Variants in ATXN1 observed in about 807,000 individuals in gnomAD.
ATXN1 encodes the protein ataxin-1.
Under a neutral mutation model 56.4 loss-of-function variants are expected in ATXN1, and 8 were observed. The observed-to-expected ratio is 0.14, with a 90% CI of 0.08 to 0.26. The LOEUF (loss-of-function observed/expected upper bound fraction) is 0.26, where lower values mean the gene tolerates loss of function less well. ATXN1 is among the 10% of genes least tolerant of loss of function. The probability of loss-of-function intolerance (pLI) is 1.00; values close to 1 mark genes in which losing one functional copy is unlikely to be tolerated. For synonymous variants in ATXN1, 514 were observed against 494.6 expected (o/e 1.04, Z -0.52); for missense variants, 987 against 1,106.5 (o/e 0.89, Z 1.53).
intron 4 of ATXN1, among the ~76,000 whole-genome samples, chr6:16,536,703 T>C (rs1053904953): frequency 6.6e-6 from 1 of 152,222 alleles, no homozygotes; most frequent in African/African-American, 2.4e-5. Context: ...GCCAATGTGC[T>C]ATTGCAATGT....
chr6:16,457,449 G>C (rs534530120), intron 6 of ATXN1, among the ~76,000 whole-genome samples: 1 of 151,426 alleles, frequency 6.6e-6, no homozygotes, highest in South Asian at 2.1e-4. Context: ...GCATCAACAA[G>C]CTCACCCTTG....
intron 5 of ATXN1, among the ~76,000 whole-genome samples, chr6:16,517,249 A>C (rs1761199917): frequency 6.6e-6 from 1 of 152,180 alleles, no homozygotes. Flanking sequence ...TAAAATTCTC[A>C]TTCAGTCATT....
At chr6:16,333,428 G>T (rs1356316061) in intron 6 of ATXN1, among the ~76,000 whole-genome samples, 2 of 152,134 alleles carry the variant, frequency 1.3e-5, no homozygotes, top group East Asian at 3.8e-4. Context: ...AGGGATGTGG[G>T]GAATATATGC....
chr6:16,377,352 C>T (rs1231843345), intron 6 of ATXN1, among the ~76,000 whole-genome samples: 2 of 152,172 alleles, frequency 1.3e-5, no homozygotes, highest in Admixed American at 1.3e-4. Flanking sequence ...ATGTGGCACA[C>T]TCTTGTTCTC....
At chr6:16,598,441 G>A (rs1391000701) in intron 3 of ATXN1, among the ~76,000 whole-genome samples, 1 of 152,198 alleles carries the variant, frequency 6.6e-6, no homozygotes, top group African/African-American at 2.4e-5. Context: ...TCAAAGCCGA[G>A]TATTGATCCT....
At chr6:16,644,943 A>G (rs778629253) in intron 3 of ATXN1, among the ~76,000 whole-genome samples, 1 of 152,224 alleles carries the variant, frequency 6.6e-6, no homozygotes, top group Non-Finnish European at 1.5e-5. Flanking sequence ...TTTGTAGAGC[A>G]GATAACCACT....
chr6:16,336,558 G>A (rs1160264247), intron 6 of ATXN1, among the ~76,000 whole-genome samples: 1 of 152,208 alleles, frequency 6.6e-6, no homozygotes, highest in Non-Finnish European at 1.5e-5. Flanking sequence ...GGAGTGGTGA[G>A]ACTGCAGAAG....
At chr6:16,726,471 A>T (rs1242431041) in intron 2 of ATXN1, among the ~76,000 whole-genome samples, 2 of 152,182 alleles carry the variant, frequency 1.3e-5, no homozygotes, top group African/African-American at 4.8e-5. Flanking sequence ...TCACTGCTAA[A>T]CTAAAACACT....
intron 3 of ATXN1, among the ~76,000 whole-genome samples, chr6:16,606,231 A>C (rs1763002679): frequency 6.6e-6 from 1 of 152,250 alleles, no homozygotes; most frequent in Admixed American, 6.5e-5. Flanking sequence ...CACCTAGCAC[A>C]GGACATAGGC....
chr6:16,600,924 G>A (rs1415686599), intron 3 of ATXN1, among the ~76,000 whole-genome samples: 1 of 152,190 alleles, frequency 6.6e-6, no homozygotes, highest in Non-Finnish European at 1.5e-5. Flanking sequence ...AGAAAATGAC[G>A]CAGTTGTTAG....
chr6:16,760,300 C>G lies in ATXN1; in HGVS notation c.-730+998G>C, dbSNP rs1010494794. The stretch of plus-strand genomic sequence containing the variant: ...GCTTCATTCACCCTCCCAGCAGCCG[C>G]GCAGCCGTTCACTCCCGGCTCAGGG... On this transcript the variant is annotated intron_variant, in intron 1 of 7. Coordinates refer to ENST00000436367, the MANE Select transcript of ATXN1 (RefSeq NM_001128164.2). This position sits in a 1 kb window ranked among gnomAD's most constrained non-coding sequence, Gnocchi z 5.3. 6.6e-6 allele frequency among the ~76,000 whole-genome samples: 1 copy of G among 152,010 alleles called. No homozygotes were observed. Among genetic ancestry groups the G allele is most frequent in the Admixed American group, 6.5e-5 (1 of 15,276 alleles).
In ATXN1 at chr6:16,466,043, G is replaced by A. The variant is rs147410830; in HGVS notation, c.-161+19929C>T. 6.2e-3 allele frequency among the ~76,000 whole-genome samples: 946 copies of A among 152,292 alleles called. 5 individuals carry two copies. Among genetic ancestry groups the A allele is most frequent in the African/African-American group, 0.021 (891 of 41,566 alleles). ...TTAAAAGTACTAAATGTGGCCAGGC[G>A]CGGTGGCTCATGCCTGTAATCCCAG... On this transcript the variant is annotated intron_variant, in intron 6 of 7. Coordinates refer to ENST00000436367, the MANE Select transcript of ATXN1 (RefSeq NM_001128164.2).
At chr6:16,639,606 G>A (rs1458120074) in intron 3 of ATXN1, among the ~76,000 whole-genome samples, 15 of 149,102 alleles carry the variant, frequency 1.0e-4, no homozygotes, top group Admixed American at 2.0e-4. Flanking sequence ...GAGCCATTGC[G>A]CCCGGCCCCT....
chr6:16,540,737 A>G (rs993568811), intron 4 of ATXN1, among the ~76,000 whole-genome samples: 1 of 152,200 alleles, frequency 6.6e-6, no homozygotes, highest in African/African-American at 2.4e-5. Context: ...GTTGTGTTTT[A>G]CAGTTTACAA....
chr6:16,427,165 C>G (rs1452639553), intron 6 of ATXN1, among the ~76,000 whole-genome samples: 3 of 152,120 alleles, frequency 2.0e-5, no homozygotes, highest in Admixed American at 6.6e-5. Context: ...CCCAAGCATT[C>G]GAATTGTTCT....
chr6:16,678,178 T>C lies in ATXN1; in HGVS notation c.-614-20277A>G, dbSNP rs575303108. 2.0e-4 allele frequency among the ~76,000 whole-genome samples: 31 copies of C among 152,364 alleles called. No individual in the cohort carries two copies. The South Asian group carries it at 4.1e-3, about 20-fold the overall frequency. On this transcript the variant is annotated intron_variant, in intron 2 of 7. Coordinates refer to ENST00000436367, the MANE Select transcript of ATXN1 (RefSeq NM_001128164.2). ...CTATGGCAGAAATACAAATGAAATA[T>C]GTCCAATGCCAATGTTTAAGTTACT...
intron 6 of ATXN1, among the ~76,000 whole-genome samples, chr6:16,387,504 C>A (rs935697702): frequency 6.6e-6 from 1 of 152,142 alleles, no homozygotes; most frequent in Admixed American, 6.5e-5. Context: ...TCAAACAAGG[C>A]AGGGGTTACC....
In ATXN1 at chr6:16,306,700, C is replaced by A; in HGVS notation, c.2077G>T (p.Gly693Cys). The change falls in exon 8 of 8, where the codon GGC becomes TGC. Residue 693 changes from glycine to cysteine, a missense_variant. Physicochemically the swap from Gly to Cys is radical, Grantham distance 159. This residue lies in a region of ATXN1 where 196 missense variants were observed against 196.7 expected (regional missense o/e 1.00). Coordinates refer to ENST00000436367, the MANE Select transcript of ATXN1 (RefSeq NM_001128164.2). This position sits in a 1 kb window ranked among gnomAD's most constrained non-coding sequence, Gnocchi z 5.2. ...ACGGGCTGGCCCTTTTTAACAGAGC[C>A]GTTCTTCAGGTTCTTGAGGGTAAGC... ...ISLTLKNLKN[G>C]SVKKGQPVDP... 6.2e-7 allele frequency: 1 copy of A among 1,614,182 alleles called. No homozygotes were observed. Among genetic ancestry groups the A allele is most frequent in the Non-Finnish European group, 8.5e-7 (1 of 1,180,038 alleles).
intron 4 of ATXN1, among the ~76,000 whole-genome samples, chr6:16,527,646 G>A (rs1054707071): frequency 6.6e-6 from 1 of 152,098 alleles, no homozygotes; most frequent in African/African-American, 2.4e-5. Context: ...TTTGTGGTGG[G>A]GGTCATGCTC....
Sources: gnomAD v4.1 joint callset for allele counts (sites outside exome capture counted in the v4.1 genomes callset) on GRCh38, gnomAD v4.1.1 for gene constraint, gnomAD v4.1.1 regional missense constraint, Gnocchi (gnomAD v3.1) non-coding constraint, MANE v1.5 for transcripts, NCBI Gene and HGNC (gene_info 2026-07-23, HGNC 2026-07-21) for gene names.